NKAIN2: variants seen among roughly 807,000 people sequenced by gnomAD.
NKAIN2 encodes sodium/potassium-transporting ATPase subunit beta-1-interacting protein 2.
Under a neutral mutation model 32.6 loss-of-function variants are expected in NKAIN2, and 14 were observed. That is an observed-to-expected ratio of 0.43 (90% confidence interval 0.28 to 0.67). The LOEUF (loss-of-function observed/expected upper bound fraction) is 0.67, where lower values mean the gene tolerates loss of function less well. Among genes scored for constraint, NKAIN2 ranks in the 30% least tolerant of loss-of-function variants. The probability of loss-of-function intolerance (pLI) is 0.17; values close to 1 mark genes in which losing one functional copy is unlikely to be tolerated. For synonymous variants in NKAIN2, 80 were observed against 87.2 expected (o/e 0.92, Z 0.46); for missense variants, 198 against 258.3 (o/e 0.77, Z 1.60).
chr6:124,779,366 A>AGGAAGGAG (rs1779155591), intron 4 of NKAIN2, among the ~76,000 whole-genome samples: 1 of 149,620 alleles, frequency 6.7e-6, no homozygotes, highest in Non-Finnish European at 1.5e-5. Context: ...GAAGGAAGGA[A>AGGAAGGAG]GGAAGGAAGG....
At position 124,097,401 on chromosome 6, in the gene NKAIN2, TAAA is replaced by T. The variant is rs35090835; in HGVS notation, c.55-185587_55-185585del. ...CTGGCAACAGAGCAAGACTTCGTCTTAAAAAAAAAAAAAAAAAAAGTAATTAAC... is the reference window on the plus strand; with the variant it reads ...CTGGCAACAGAGCAAGACTTCGTCTTAAAAAAAAAAAAAAAAGTAATTAAC... On this transcript the variant is annotated intron_variant, in intron 1 of 6. Transcript: ENST00000368417. Among the ~76,000 whole-genome samples the T allele has an allele frequency of 2.9e-3, 385 of 132,398 alleles. 1 individual carries two copies. The highest frequency in any genetic ancestry group is 9.5e-3 in the African/African-American group (339 of 35,650). 86.9% of individuals were successfully genotyped at this position (132,398 alleles called of 152,430 possible). A position where few individuals can be genotyped will look rare whatever the true frequency, so the allele number is the denominator to read the frequency against.
chr6:124,297,429 A>T (rs147497351), intron 2 of NKAIN2, among the ~76,000 whole-genome samples: 1 of 152,266 alleles, frequency 6.6e-6, no homozygotes, highest in Non-Finnish European at 1.5e-5. Flanking sequence ...CTTTATGTTC[A>T]TCATCTTCAT....
chr6:124,803,840 C>G (rs1463735081), intron 5 of NKAIN2, among the ~76,000 whole-genome samples: 1 of 152,194 alleles, frequency 6.6e-6, no homozygotes, highest in East Asian at 1.9e-4. Context: ...CATTTTGAAG[C>G]ATAATTCCAA....
rs1323800699 is a variant in NKAIN2 at position 124,804,874 on chromosome 6, C to T, written c.535+13475C>T. ...CCTGGCTCCGAGGGTCCTATGCCCA[C>T]GGAGTCTCACTGATTGCTAGCACAG... On this transcript the variant is annotated intron_variant, in intron 5 of 6. Coordinates refer to ENST00000368417, the MANE Select transcript of NKAIN2 (RefSeq NM_001040214.3). Among the ~76,000 whole-genome samples the T allele has an allele frequency of 5.9e-5, 9 of 152,298 alleles. No individual in the cohort carries two copies. In the South Asian group the frequency reaches 1.2e-3, roughly 21 times the overall value.
At chr6:124,616,121 C>G (rs1300075482) in intron 3 of NKAIN2, among the ~76,000 whole-genome samples, 2 of 152,048 alleles carry the variant, frequency 1.3e-5, no homozygotes, top group African/African-American at 4.8e-5. Context: ...TTCTCAACAC[C>G]TGTAGTTTCC....
At chr6:124,299,547 G>A (rs1796211961) in intron 2 of NKAIN2, among the ~76,000 whole-genome samples, 1 of 152,062 alleles carries the variant, frequency 6.6e-6, no homozygotes, top group African/African-American at 2.4e-5. Flanking sequence ...TTGCAATAAG[G>A]AAGATAAAAA....
At chr6:124,639,005 G>A (rs1783886560) in intron 3 of NKAIN2, among the ~76,000 whole-genome samples, 1 of 151,624 alleles carries the variant, frequency 6.6e-6, no homozygotes, top group Non-Finnish European at 1.5e-5. Flanking sequence ...AATAATCAGG[G>A]AAAAGTGAAT....
intron 5 of NKAIN2, among the ~76,000 whole-genome samples, chr6:124,797,608 C>G (rs975702617): frequency 6.6e-6 from 1 of 152,162 alleles, no homozygotes; most frequent in Non-Finnish European, 1.5e-5. Flanking sequence ...GAAAAGAAAA[C>G]CACAGGAAAT....
At chr6:124,183,078 A>G (rs1387370886) in intron 1 of NKAIN2, among the ~76,000 whole-genome samples, 1 of 152,144 alleles carries the variant, frequency 6.6e-6, no homozygotes, top group Non-Finnish European at 1.5e-5. Flanking sequence ...TACTTTTAAA[A>G]ATGTAATTTG....
At chr6:124,487,446 C>A (rs1245610134) in intron 3 of NKAIN2, among the ~76,000 whole-genome samples, 1 of 152,046 alleles carries the variant, frequency 6.6e-6, no homozygotes, top group East Asian at 1.9e-4. Context: ...TTAGGAAGAA[C>A]TTTAATATAT....
chr6:124,388,816 G>A (rs1224869273), intron 3 of NKAIN2, among the ~76,000 whole-genome samples: 1 of 151,930 alleles, frequency 6.6e-6, no homozygotes, highest in Non-Finnish European at 1.5e-5. Context: ...GCCTTGTATA[G>A]TCTATTTAGT....
chr6:124,178,422 C>T (rs376849681), intron 1 of NKAIN2, among the ~76,000 whole-genome samples: 7 of 151,840 alleles, frequency 4.6e-5, no homozygotes, highest in African/African-American at 1.7e-4. Context: ...CTCAGCTTCC[C>T]GAGTAGCTGG....
intron 1 of NKAIN2, among the ~76,000 whole-genome samples, chr6:124,078,411 A>C (rs1783796692): frequency 6.6e-6 from 1 of 152,052 alleles, no homozygotes; most frequent in African/African-American, 2.4e-5. Context: ...CATTTTACAA[A>C]TATTAACCCA....
intron 3 of NKAIN2, among the ~76,000 whole-genome samples, chr6:124,453,670 A>G (rs993217088): frequency 2.0e-5 from 3 of 152,122 alleles, no homozygotes; most frequent in African/African-American, 7.2e-5. Flanking sequence ...ACTGTAATCT[A>G]TTGTGCAAAT....
chr6:124,514,231 T>G (rs1178003749), intron 3 of NKAIN2, among the ~76,000 whole-genome samples: 1 of 152,144 alleles, frequency 6.6e-6, no homozygotes, highest in Non-Finnish European at 1.5e-5. Flanking sequence ...CCTGGGCCAC[T>G]GTTGGAGGTT....
In NKAIN2 at chr6:124,336,668, GT is replaced by G. The variant is rs201019056; in HGVS notation, c.193-18590del. Among the ~76,000 whole-genome samples the G allele has an allele frequency of 1.1e-3, 156 of 137,088 alleles. 4 individuals are homozygous for G. In the South Asian group the frequency reaches 0.016, roughly 14 times the overall value. The allele number at this position is 137,088 out of a possible 152,430, so 89.9% of individuals were successfully genotyped here. A position where few individuals can be genotyped will look rare whatever the true frequency, so the allele number is the denominator to read the frequency against. The stretch of plus-strand genomic sequence containing the variant: ...AAAGTACTTCTAACTGAAATAGTTT[GT>G]TTTTTTTTGTTTGTTTTTTTTTTGA... On this transcript the variant is annotated intron_variant, in intron 2 of 6. Transcript: ENST00000368417.
chr6:123,935,319 G>T (rs1224571054), intron 1 of NKAIN2, among the ~76,000 whole-genome samples: 2 of 151,304 alleles, frequency 1.3e-5, no homozygotes, highest in Non-Finnish European at 3.0e-5. Flanking sequence ...CAAGTGTTTG[G>T]CTTAGAATGT....
intron 3 of NKAIN2, among the ~76,000 whole-genome samples, chr6:124,553,360 T>C (rs796906400): frequency 1.6e-4 from 24 of 152,296 alleles, no homozygotes; most frequent in African/African-American, 5.5e-4. Context: ...CAGGCTGGAG[T>C]GCAATGGCAC....
chr6:124,092,363 T>A (rs1229420041), intron 1 of NKAIN2, among the ~76,000 whole-genome samples: 1 of 152,110 alleles, frequency 6.6e-6, no homozygotes, highest in African/African-American at 2.4e-5. Flanking sequence ...CCAGCAGAGA[T>A]CATCAGAGGT....
Sources: gnomAD v4.1 joint callset for allele counts (sites outside exome capture counted in the v4.1 genomes callset) on GRCh38, gnomAD v4.1.1 for gene constraint, MANE v1.5 for transcripts, NCBI Gene and HGNC (gene_info 2026-07-23, HGNC 2026-07-21) for gene names.